The following PRKCA variants were observed in gnomAD, a reference collection of about 807,000 sequenced individuals.
PRKCA encodes the protein protein kinase C alpha.
A neutral mutation model predicts 87.0 loss-of-function variants in PRKCA; 27 were observed. The ratio of observed to expected loss-of-function variants is 0.31; its 90% CI spans 0.23 to 0.43. The LOEUF (loss-of-function observed/expected upper bound fraction) is 0.43. PRKCA is among the 20% of genes least tolerant of loss of function. The probability of loss-of-function intolerance (pLI) is 1.00; values close to 1 mark genes in which losing one functional copy is unlikely to be tolerated. For missense variants in PRKCA, 518 were observed against 852.3 expected, an observed-to-expected ratio of 0.61 and a Z score of 4.88; for synonymous variants, 329 against 311.1, an observed-to-expected ratio of 1.06 and a Z score of -0.61.
intron 3 of PRKCA, among the ~76,000 whole-genome samples, chr17:66,556,637 T>TG (rs1968503799): frequency 6.6e-6 from 1 of 152,162 alleles, no homozygotes; most frequent in African/African-American, 2.4e-5. Flanking sequence ...AACTAAATCA[T>TG]GGGGGGCAGT....
chr17:66,595,716 C>T (rs1309340285), intron 3 of PRKCA, among the ~76,000 whole-genome samples: 2 of 152,064 alleles, frequency 1.3e-5, no homozygotes, highest in African/African-American at 4.8e-5. Flanking sequence ...CCGCCTCGGC[C>T]TCCTGGATTA....
chr17:66,672,514 T>C (rs1019286964), intron 5 of PRKCA, among the ~76,000 whole-genome samples: 2 of 152,224 alleles, frequency 1.3e-5, no homozygotes, highest in African/African-American at 4.8e-5. Context: ...TTTAAGCTAC[T>C]TCCAAGAATG....
At chr17:66,590,188 A>G (rs1969757838) in intron 3 of PRKCA, among the ~76,000 whole-genome samples, 1 of 152,150 alleles carries the variant, frequency 6.6e-6, no homozygotes, top group Non-Finnish European at 1.5e-5. Context: ...GTTGGTCTCC[A>G]GTTTCAGGAG....
rs532422178 is a variant in PRKCA at position 66,720,154 on chromosome 17, G to A, written c.919-12534G>A. Among the ~76,000 whole-genome samples the A allele has an allele frequency of 6.6e-5, 10 of 152,322 alleles. No individual in the cohort carries two copies. The South Asian group carries it at 2.1e-3, about 32-fold the overall frequency. On this transcript the variant is annotated intron_variant, in intron 8 of 16. Transcript: ENST00000413366. ...GGAGGGAGTATGCACCACAGAAACC[G>A]GTGCAGGGACAATGTCAGAAGGAGT...
At chr17:66,562,791 T>C (rs547774320) in intron 3 of PRKCA, among the ~76,000 whole-genome samples, 1 of 152,268 alleles carries the variant, frequency 6.6e-6, no homozygotes, top group East Asian at 1.9e-4. Flanking sequence ...GAGACAGGGT[T>C]TCACCATGTT....
intron 2 of PRKCA, among the ~76,000 whole-genome samples, chr17:66,314,502 A>C (rs960729929): frequency 4.6e-5 from 7 of 152,188 alleles, no homozygotes; most frequent in Non-Finnish European, 8.8e-5. Context: ...ACGAGATAAG[A>C]ATTATTTGAG....
intron 3 of PRKCA, among the ~76,000 whole-genome samples, chr17:66,544,297 A>G (rs1968083326): frequency 6.6e-6 from 1 of 152,132 alleles, no homozygotes; most frequent in South Asian, 2.1e-4. Flanking sequence ...CATGAACCCA[A>G]TGCTGTGAAC....
chr17:66,732,129 C>CAA (rs200958703), intron 8 of PRKCA, among the ~76,000 whole-genome samples: 104 of 125,286 alleles, frequency 8.3e-4, no homozygotes, highest in Non-Finnish European at 1.0e-3. Context: ...AAAAAAAAAT[C>CAA]AAAAAAAAAA....
At chr17:66,558,362 G>A (rs1047418892) in intron 3 of PRKCA, among the ~76,000 whole-genome samples, 1 of 151,926 alleles carries the variant, frequency 6.6e-6, no homozygotes, top group Non-Finnish European at 1.5e-5. Context: ...GAAAAACAAG[G>A]AGTACTGGTA....
Position 66,688,951 on chromosome 17 carries a change from G to A in PRKCA, c.822G>A (p.Trp274Ter). 1 of 1,586,142 alleles carries A rather than the reference G, an allele frequency of 6.3e-7. No individual in the cohort carries two copies. The highest frequency in any genetic ancestry group is 8.6e-7 in the Non-Finnish European group (1 of 1,156,670). Residue 274 changes from tryptophan to a stop codon, truncating the protein, a stop_gained and splice_region_variant, in exon 8 of 17, where the codon TGG becomes TGA. Coordinates refer to ENST00000413366, the MANE Select transcript of PRKCA (RefSeq NM_002737.3). LOFTEE classifies it high-confidence loss of function. Reference sequence around the variant, plus strand: ...ACTCTTCTTCTCCCGTCCTTGAAAGGTACAAGTTGCTTAACCAAGAAGAAG... The same window carrying A: ...ACTCTTCTTCTCCCGTCCTTGAAAGATACAAGTTGCTTAACCAAGAAGAAG... ...SELMKMPASG[W>*]YKLLNQEEGE...
intron 3 of PRKCA, among the ~76,000 whole-genome samples, chr17:66,596,710 C>G (rs1174792539): frequency 3.1e-5 from 3 of 96,518 alleles, no homozygotes; most frequent in African/African-American, 1.3e-4. Context: ...AGGTATATCT[C>G]CCAATGCTAT....
At chr17:66,543,248 T>C (rs1406055073) in intron 3 of PRKCA, among the ~76,000 whole-genome samples, 3 of 152,218 alleles carry the variant, frequency 2.0e-5, no homozygotes, top group East Asian at 1.9e-4. Context: ...GTTTCCATTA[T>C]AGTTCAAGTA....
chr17:66,587,569 A>G (rs1969634365), intron 3 of PRKCA, among the ~76,000 whole-genome samples: 1 of 151,484 alleles, frequency 6.6e-6, no homozygotes, highest in African/African-American at 2.4e-5. Flanking sequence ...TTTTAAACAG[A>G]TATATATATA....
At chr17:66,748,879 G>A (rs957898510) in intron 13 of PRKCA, among the ~76,000 whole-genome samples, 1 of 152,112 alleles carries the variant, frequency 6.6e-6, no homozygotes, top group Admixed American at 6.5e-5. Flanking sequence ...GGCACCCGTG[G>A]TAAGGATGCC....
In PRKCA at chr17:66,741,674, G is replaced by A; in HGVS notation, c.1338G>A (p.Glu446=). 1.2e-6 allele frequency: 2 copies of A among 1,614,190 alleles called. No homozygotes were observed. The highest frequency in any genetic ancestry group is 1.1e-5 in the South Asian group (1 of 91,076). The part of the protein sequence containing the change: ...KEPQAVFYAA[E]ISIGLFFLHK... ...TCTTTTGCAGATTCTATGCGGCAGA[G>A]ATTTCCATCGGATTGTTCTTTCTTC... The change falls in exon 12 of 17, where the codon GAG becomes GAA. Residue 446 remains glutamate (E), a synonymous_variant. Transcript: ENST00000413366.
intron 5 of PRKCA, among the ~76,000 whole-genome samples, chr17:66,650,548 T>C (rs1029209561): frequency 6.6e-6 from 1 of 152,198 alleles, no homozygotes; most frequent in African/African-American, 2.4e-5. Context: ...CTCCCACAGA[T>C]AGATTATTCT....
intron 13 of PRKCA, among the ~76,000 whole-genome samples, chr17:66,748,944 G>A (rs1450190471): frequency 3.3e-5 from 5 of 152,048 alleles, no homozygotes; most frequent in Non-Finnish European, 5.9e-5. Context: ...CCTCACGGTG[G>A]CAGGAAAGCT....
chr17:66,698,879 C>T (rs1972994383), intron 8 of PRKCA, among the ~76,000 whole-genome samples: 2 of 149,360 alleles, frequency 1.3e-5, no homozygotes, highest in Non-Finnish European at 3.0e-5. Flanking sequence ...ACTCGGGAGG[C>T]TGAGGCACAG....
chr17:66,514,253 GAT>G (rs1966889671), intron 3 of PRKCA, among the ~76,000 whole-genome samples: 1 of 152,126 alleles, frequency 6.6e-6, no homozygotes, highest in Non-Finnish European at 1.5e-5. Flanking sequence ...AGGCCCTACA[GAT>G]AAAAGGGCGA....
Sources: gnomAD v4.1 joint callset for allele counts (sites outside exome capture counted in the v4.1 genomes callset) on GRCh38, gnomAD v4.1.1 for gene constraint, MANE v1.5 for transcripts, NCBI Gene and HGNC (gene_info 2026-07-23, HGNC 2026-07-21) for gene names.